Variants in NRL observed in about 807,000 individuals in gnomAD.
The protein encoded by NRL is neural retina leucine zipper.
Under a neutral mutation model 12.5 loss-of-function variants are expected in NRL, and 16 were observed. The observed-to-expected ratio is 1.28, with a 90% CI of 0.87 to 1.95. The LOEUF is 1.95. Among genes scored for constraint, NRL ranks in the 30% most tolerant of loss-of-function variants. The probability of loss-of-function intolerance (pLI) is 0.00; values close to 1 mark genes in which losing one functional copy is unlikely to be tolerated. For missense variants in NRL, 314 were observed against 325.8 expected (o/e 0.96, Z 0.28); for synonymous variants, 142 against 150.9 (o/e 0.94, Z 0.43).
At chr14:24,083,431 A>T (rs953408261) in intron 1 of NRL, among the ~76,000 whole-genome samples, 2 of 152,228 alleles carry the variant, frequency 1.3e-5, no homozygotes, top group Non-Finnish European at 2.9e-5. Flanking sequence ...GGATTAATCA[A>T]TCAATGAATC....
chr14:24,096,822 G>A, intron 1 of NRL: 1 of 1,414,358 alleles, frequency 7.1e-7, no homozygotes, highest in Non-Finnish European at 9.8e-7. Flanking sequence ...CAAGCTTTCT[G>A]TCTCTCCACC....
In NRL at chr14:24,082,485, C is replaced by T. The variant is rs778579419; in HGVS notation, c.364G>A (p.Gly122Arg). 2.3e-5 allele frequency: 37 copies of T among 1,612,632 alleles called. No homozygotes were observed. Among genetic ancestry groups the T allele is most frequent in the Admixed American group, 1.5e-4 (9 of 60,004 alleles). Residue 122 changes from glycine (G) to arginine (R), a missense_variant, in exon 2 of 3, where the codon GGA becomes AGA. Physicochemically the swap from Gly to Arg is moderately radical, Grantham distance 125. Transcript: ENST00000561028. ...GYYPGSPEET[G>R]AQHVQLAERF... Reference sequence around the variant, plus strand: ...CCACTCACCTGGACGTGCTGGGCTCCTGTCTCCTCTGGGCTCCCTGGGTAG... The same window carrying T: ...CCACTCACCTGGACGTGCTGGGCTCTTGTCTCCTCTGGGCTCCCTGGGTAG...
Position 24,103,728 on chromosome 14 carries a change from GA to G in NRL, c.-28+10993del, listed in dbSNP as rs747463592. On this transcript the variant is annotated intron_variant, in intron 1 of 2. Coordinates refer to ENST00000561028, the MANE Select transcript of NRL (RefSeq NM_001354768.3). Reference sequence around the variant, plus strand: ...GCTAGACTGGATCTGCCGGCGGTTAGAGGGGGAGGACAGTGCCCGAGAGACA... The same window carrying G: ...GCTAGACTGGATCTGCCGGCGGTTAGGGGGGAGGACAGTGCCCGAGAGACA... 76 of 1,614,228 alleles carry G rather than the reference GA, an allele frequency of 4.7e-5. No individual in the cohort carries two copies. In the African/African-American group the frequency reaches 9.5e-4, roughly 20 times the overall value.
rs2036216794 is a variant in NRL, at chr14:24,079,580, T to C, written c.*1656A>G. On this transcript the variant is annotated 3_prime_UTR_variant, in exon 3 of 3. Transcript: ENST00000561028. ...GCTCCTAAGCGGAGGAGGGATGAGC[T>C]GGGATAGAGGAGGGGAAAGAGGGAG... 7.3e-6 allele frequency among the ~76,000 whole-genome samples: 1 copy of C among 136,750 alleles called. No individual in the cohort carries two copies. The highest frequency in any genetic ancestry group is 1.5e-5 in the Non-Finnish European group (1 of 64,562). The allele number at this position is 136,750 out of a possible 152,430, so 89.7% of individuals were successfully genotyped here. A position where few individuals can be genotyped will look rare whatever the true frequency, so the allele number is the denominator to read the frequency against.
In NRL at chr14:24,079,002, C is replaced by T. The variant is rs564915074; in HGVS notation, c.*2234G>A. On this transcript the variant is annotated 3_prime_UTR_variant, in exon 3 of 3. Coordinates refer to ENST00000561028, the MANE Select transcript of NRL (RefSeq NM_001354768.3). ...TATTTTTTTGTAGTGACAGGGTTCT[C>T]GCTATGTTGCCCAGGCTGGTCTCAA... is the stretch of plus-strand genomic sequence containing the variant. 2.0e-5 allele frequency among the ~76,000 whole-genome samples: 3 copies of T among 152,284 alleles called. No individual in the cohort carries two copies. The highest frequency in any genetic ancestry group is 2.1e-4 in the South Asian group (1 of 4,824).
chr14:24,094,287 A>C lies in NRL; in HGVS notation c.-27-11412T>G. 1 of 979,340 alleles carries C rather than the reference A, an allele frequency of 1.0e-6. No homozygotes were observed. Among genetic ancestry groups the C allele is most frequent in the Non-Finnish European group, 1.5e-6 (1 of 661,690 alleles). The allele number at this position is 979,340 out of a possible 1,614,324, so 60.7% of individuals were successfully genotyped here. ...CCCCGCGCCTGCCCCCCTCCTTTTT[A>C]AGCGCCTCCCGCCAGCCTCTGCTGT... On this transcript the variant is annotated intron_variant, in intron 1 of 2. Coordinates refer to ENST00000561028, the MANE Select transcript of NRL (RefSeq NM_001354768.3). This position sits in a 1 kb window ranked among gnomAD's most constrained non-coding sequence, Gnocchi z 4.1.
At position 24,082,486 on chromosome 14, in the gene NRL, T is replaced by C. The variant is rs750036289; in HGVS notation, c.363A>G (p.Thr121=). 5.0e-6 allele frequency: 8 copies of C among 1,612,820 alleles called. No homozygotes were observed. The highest frequency in any genetic ancestry group is 5.1e-6 in the Non-Finnish European group (6 of 1,180,026). ...CACTCACCTGGACGTGCTGGGCTCC[T>C]GTCTCCTCTGGGCTCCCTGGGTAGT... The part of the protein sequence containing the change: ...HGYYPGSPEE[T]GAQHVQLAER... Residue 121 remains threonine (T), a synonymous_variant, in exon 2 of 3, where the codon ACA becomes ACG. Transcript: ENST00000561028.
rs746093247 is a variant in NRL, at chr14:24,114,634, A to T, written c.-28+88T>A. Reference sequence around the variant, plus strand: ...CTGATTCAGGAAGCTGGCAGTTCCCACTTACTCCTCCCCAGCAAGAGCTAA... The same window carrying T: ...CTGATTCAGGAAGCTGGCAGTTCCCTCTTACTCCTCCCCAGCAAGAGCTAA... On this transcript the variant is annotated intron_variant, in intron 1 of 2. Transcript: ENST00000561028. The T allele has an allele frequency of 5.8e-4, 563 of 973,026 alleles. 8 individuals carry two copies. Among genetic ancestry groups the T allele is most frequent in the Middle Eastern group, 2.6e-3 (5 of 1,890 alleles). 60.3% of individuals were successfully genotyped at this position (973,026 alleles called of 1,614,324 possible).
At chr14:24,084,855 A>G (rs1207120363) in intron 1 of NRL, 1 of 331,570 alleles carries the variant, frequency 3.0e-6, no homozygotes, top group South Asian at 1.2e-4. Context: ...CCGACTCCCA[A>G]GTGCTCAGTT....
intron 1 of NRL, among the ~76,000 whole-genome samples, chr14:24,087,197 A>T (rs1023037720): frequency 2.0e-5 from 3 of 152,188 alleles, no homozygotes. Flanking sequence ...GACGAGATGG[A>T]TAAAGAAAGG....
intron 1 of NRL, chr14:24,099,417 C>A: frequency 9.8e-7 from 1 of 1,020,168 alleles, no homozygotes; most frequent in Non-Finnish European, 1.4e-6. Flanking sequence ...TGCCACTAAC[C>A]CAGGCCTGAT....
intron 1 of NRL, among the ~76,000 whole-genome samples, chr14:24,090,307 A>G: frequency 7.1e-6 from 1 of 141,822 alleles, no homozygotes; most frequent in Non-Finnish European, 1.5e-5. Context: ...TCAAAGAAAG[A>G]GTAGCAGGAC....
At chr14:24,107,901 AT>A (rs1321151850) in intron 1 of NRL, among the ~76,000 whole-genome samples, 1 of 152,252 alleles carries the variant, frequency 6.6e-6, no homozygotes, top group Non-Finnish European at 1.5e-5. Flanking sequence ...CTTCAAAAAA[AT>A]GATTTGATTT....
chr14:24,088,829 A>G, intron 1 of NRL, among the ~76,000 whole-genome samples: 1 of 131,210 alleles, frequency 7.6e-6, no homozygotes, highest in Admixed American at 7.7e-5. Context: ...TTTTTTTCAC[A>G]GAGTCTTGCT....
At position 24,081,726 on chromosome 14, in the gene NRL, G is replaced by T. The variant is rs1219619799; in HGVS notation, c.382-158C>A. The T allele has an allele frequency of 3.3e-6, 5 of 1,522,342 alleles. No individual in the cohort carries two copies. The highest frequency in any genetic ancestry group is 4.4e-6 in the Non-Finnish European group (5 of 1,140,846). 94.3% of individuals were successfully genotyped at this position (1,522,342 alleles called of 1,614,324 possible). The stretch of plus-strand genomic sequence containing the variant: ...TCCACGCAGTCTGTTTCGGTCCAGA[G>T]CCCGCCCCAGGCCCCGACGCTCCCC... On this transcript the variant is annotated intron_variant, in intron 2 of 2. Coordinates refer to ENST00000561028, the MANE Select transcript of NRL (RefSeq NM_001354768.3). The surrounding 1 kb of genome is among the most constrained non-coding windows in gnomAD (Gnocchi z 4.4).
intron 1 of NRL, among the ~76,000 whole-genome samples, chr14:24,090,888 C>T (rs73603080): frequency 6.6e-5 from 10 of 152,282 alleles, no homozygotes; most frequent in African/African-American, 2.4e-4. Flanking sequence ...AATTCAGAAA[C>T]GTGGCACTCA....
Position 24,108,870 on chromosome 14 carries a change from C to T in NRL, c.-28+5852G>A, listed in dbSNP as rs973028068. Reference sequence around the variant, plus strand: ...GTATGAGCATCAGTCACTCCAAACACGGAACTGTCCCAGGAGCTCTGTGTG... The same window carrying T: ...GTATGAGCATCAGTCACTCCAAACATGGAACTGTCCCAGGAGCTCTGTGTG... On this transcript the variant is annotated intron_variant, in intron 1 of 2. Transcript: ENST00000561028. 5.3e-5 allele frequency among the ~76,000 whole-genome samples: 8 copies of T among 152,274 alleles called. No individual in the cohort carries two copies. In the East Asian group the frequency reaches 7.7e-4, roughly 15 times the overall value.
At chr14:24,102,981 G>C (rs1402099377) in intron 1 of NRL, 1 of 1,401,678 alleles carries the variant, frequency 7.1e-7, no homozygotes, top group Non-Finnish European at 1.0e-6. Context: ...GCCTCAGCCT[G>C]GATCTCACCT....
At chr14:24,098,131 C>A in intron 1 of NRL, 1 of 1,347,204 alleles carries the variant, frequency 7.4e-7, no homozygotes, top group Non-Finnish European at 1.0e-6. Context: ...CAAAGTTGGA[C>A]TTGAAAAAGT....
Sources: allele counts gnomAD v4.1 joint callset (sites outside exome capture counted in the v4.1 genomes callset), GRCh38; gene constraint gnomAD v4.1.1; non-coding constraint Gnocchi (gnomAD v3.1); transcripts MANE v1.5; gene names NCBI Gene and HGNC (gene_info 2026-07-23, HGNC 2026-07-21).